Variants in CERT1 observed in about 807,000 individuals in gnomAD.
CERT1 encodes the protein ceramide transporter 1, also known as ceramide transfer protein.
CERT1 carries 31 observed loss-of-function variants against 87.9 expected under a neutral mutation model. The ratio of observed to expected loss-of-function variants is 0.35; its 90% CI spans 0.27 to 0.48. The LOEUF (loss-of-function observed/expected upper bound fraction) is 0.48, where lower values mean the gene tolerates loss of function less well. Among genes scored for constraint, CERT1 ranks in the 20% least tolerant of loss-of-function variants. The probability of loss-of-function intolerance (pLI) is 0.99; values close to 1 mark genes in which losing one functional copy is unlikely to be tolerated. For synonymous variants in CERT1, 289 were observed against 250.9 expected (o/e 1.15, Z -1.44); for missense variants, 487 against 758.0 (o/e 0.64, Z 4.20).
At chr5:75,482,747 C>T (rs766504105) in intron 2 of CERT1, among the ~76,000 whole-genome samples, 1 of 152,172 alleles carries the variant, frequency 6.6e-6, no homozygotes, top group Non-Finnish European at 1.5e-5. Flanking sequence ...CCAGAGAATT[C>T]TCTTGGATTA....
chr5:75,455,763 G>A lies in CERT1; in HGVS notation c.348+3302C>T, dbSNP rs146502866. Among the ~76,000 whole-genome samples, 90 of 152,250 alleles carry A rather than the reference G, an allele frequency of 5.9e-4. 1 individual carries two copies. Among genetic ancestry groups the A allele is most frequent in the African/African-American group, 2.1e-3 (86 of 41,554 alleles). ...CATGGGAATTGTTCATAAACAGTCC[G>A]TTTACTAATGGTAACAGACAGACAA... On this transcript the variant is annotated intron_variant, in intron 3 of 16. Transcript: ENST00000643780.
At chr5:75,402,435 C>G (rs1186021521) in intron 9 of CERT1, 1 of 152,122 alleles carries the variant, frequency 6.6e-6, no homozygotes, top group Non-Finnish European at 1.5e-5. Context: ...ACGCATGGTT[C>G]CTTTTAACAA....
At position 75,505,945 on chromosome 5, in the gene CERT1, A is replaced by T. The variant is rs2112474771; in HGVS notation, c.231+37T>A. The T allele has an allele frequency of 2.6e-6, 4 of 1,566,650 alleles. No individual in the cohort carries two copies. In the South Asian group the frequency reaches 3.3e-5, roughly 13 times the overall value. ...GTTCCTGGTATGTAGCTGACACTCA[A>T]TAAATATTTGTTGAATGAAGAAGAA... On this transcript the variant is annotated intron_variant, in intron 2 of 16. Transcript: ENST00000643780.
chr5:75,466,642 G>A (rs1042035046), intron 2 of CERT1, among the ~76,000 whole-genome samples: 2 of 152,142 alleles, frequency 1.3e-5, no homozygotes, highest in Non-Finnish European at 2.9e-5. Context: ...GGCCCTTTCA[G>A]CTCAGAGGTT....
At chr5:75,461,280 C>A (rs1765216357) in intron 2 of CERT1, among the ~76,000 whole-genome samples, 1 of 152,184 alleles carries the variant, frequency 6.6e-6, no homozygotes, top group Admixed American at 6.5e-5. Context: ...ATTAGATCCT[C>A]ATAGGAGCAC....
chr5:75,473,624 T>C (rs1331297545), intron 2 of CERT1, among the ~76,000 whole-genome samples: 1 of 152,128 alleles, frequency 6.6e-6, no homozygotes. Context: ...CACATACTTA[T>C]GGTTAGATAG....
At chr5:75,417,419 A>C (rs1763178500) in intron 6 of CERT1, among the ~76,000 whole-genome samples, 1 of 152,170 alleles carries the variant, frequency 6.6e-6, no homozygotes, top group Non-Finnish European at 1.5e-5. Flanking sequence ...AGATAAACTA[A>C]AGAATCTAAT....
At chr5:75,449,256 GAGAGCAAA>G (rs2112274281) in intron 3 of CERT1, among the ~76,000 whole-genome samples, 1 of 152,198 alleles carries the variant, frequency 6.6e-6, no homozygotes. Context: ...AATAGGATAG[GAGAGCAAA>G]AGTTATGAAT....
At position 75,379,439 on chromosome 5, in the gene CERT1, T is replaced by C; in HGVS notation, c.1782A>G (p.Leu594=). The C allele has an allele frequency of 6.2e-7, 1 of 1,613,934 alleles. No individual in the cohort carries two copies. Among genetic ancestry groups the C allele is most frequent in the Middle Eastern group, 1.6e-4 (1 of 6,062 alleles). Residue 594 remains leucine, a synonymous_variant, in exon 17 of 17, where the codon TTA becomes TTG. Coordinates refer to ENST00000643780, the MANE Select transcript of CERT1 (RefSeq NM_001379029.1). ...GATACTCTCGCTTTGCCACTGCCCT[T>C]AACACTGAGGCTGGTGCCCATCCTC... The part of the protein sequence containing the change: ...NPGGWAPASV[L]RAVAKREYPK...
intron 2 of CERT1, among the ~76,000 whole-genome samples, chr5:75,491,446 TAC>T (rs1419302627): frequency 6.6e-6 from 1 of 152,190 alleles, no homozygotes; most frequent in East Asian, 1.9e-4. Flanking sequence ...AAAGTACTTA[TAC>T]TTTGAAATCC....
intron 3 of CERT1, among the ~76,000 whole-genome samples, chr5:75,431,472 TTC>T (rs1561258496): frequency 6.6e-6 from 1 of 152,206 alleles, no homozygotes; most frequent in Non-Finnish European, 1.5e-5. Context: ...TGAACAATGC[TTC>T]TGTGGCCCTG....
At position 75,384,612 on chromosome 5, in the gene CERT1, TC is replaced by T. The variant is rs150256072; in HGVS notation, c.1488+29del. The T allele has an allele frequency of 7.9e-3, 11,663 of 1,484,736 alleles. 65 individuals are homozygous for T. Among genetic ancestry groups the T allele is most frequent in the Non-Finnish European group, 9.7e-3 (10,350 of 1,067,522 alleles). The allele number at this position is 1,484,736 out of a possible 1,614,324, so 92.0% of individuals were successfully genotyped here. A position where few individuals can be genotyped will look rare whatever the true frequency, so the allele number is the denominator to read the frequency against. On this transcript the variant is annotated intron_variant, in intron 14 of 16. Transcript: ENST00000643780. ...TGTCTGAGTTTGAACTACATTGAAA[TC>T]CTTTTAGGATGAATGAAGAGATCTT...
At chr5:75,425,289 T>C (rs1763567028) in intron 5 of CERT1, 72 bp downstream of exon 5, 3 of 1,438,110 alleles carry the variant, frequency 2.1e-6, no homozygotes, top group East Asian at 2.3e-5. Flanking sequence ...TTAAAGACAT[T>C]ACCCTTTGAG....
chr5:75,476,360 T>C (rs1444727431), intron 2 of CERT1, among the ~76,000 whole-genome samples: 1 of 152,064 alleles, frequency 6.6e-6, no homozygotes, highest in African/African-American at 2.4e-5. Flanking sequence ...TCTATTACCA[T>C]GTATTTAGTA....
At chr5:75,459,265 C>T (rs989070903) in intron 2 of CERT1, 84 bp from the exon 3 acceptor site, 4 of 762,044 alleles carry the variant, frequency 5.2e-6, no homozygotes, top group Non-Finnish European at 9.3e-6. Flanking sequence ...CATGAACATA[C>T]TCATTCTGTG....
chr5:75,417,024 T>C lies in CERT1; in HGVS notation c.689A>G (p.His230Arg). The stretch of plus-strand genomic sequence containing the variant: ...ACCATTAATTCCTTTTGGTGTCACA[T>C]GTGGAAATACTGAAAATGAAAATTA... ...TNGNKEKLFPHVTPKGINGID... is the reference protein window; with the variant it reads ...TNGNKEKLFPRVTPKGINGID... Residue 230 changes from histidine (H) to arginine (R), a missense_variant, in exon 7 of 17, where the codon CAT becomes CGT. Transcript: ENST00000643780. 6.3e-7 allele frequency: 1 copy of C among 1,596,558 alleles called. No individual in the cohort carries two copies. The highest frequency in any genetic ancestry group is 8.5e-7 in the Non-Finnish European group (1 of 1,169,702).
intron 8 of CERT1, among the ~76,000 whole-genome samples, chr5:75,404,746 T>A (rs1762637066): frequency 2.6e-5 from 4 of 152,170 alleles, no homozygotes; most frequent in Admixed American, 2.6e-4. Context: ...TGGTGGCTCA[T>A]GCCTATAAAC....
At chr5:75,376,381 TGAA>T (rs1392344564), downstream of CERT1, 1 of 152,114 alleles carries the variant, frequency 6.6e-6, no homozygotes, top group African/African-American at 2.4e-5. Flanking sequence ...GAGGTCATAG[TGAA>T]GAAGAGAGAA....
At chr5:75,483,602 G>A (rs1201924588) in intron 2 of CERT1, among the ~76,000 whole-genome samples, 1 of 152,052 alleles carries the variant, frequency 6.6e-6, no homozygotes, top group South Asian at 2.1e-4. Context: ...GATCCTAAAA[G>A]TAGCAAGAGA....
Sources: gnomAD v4.1 joint callset for allele counts (sites outside exome capture counted in the v4.1 genomes callset) on GRCh38, gnomAD v4.1.1 for gene constraint, MANE v1.5 for transcripts, NCBI Gene and HGNC (gene_info 2026-07-23, HGNC 2026-07-21) for gene names.